The following KHDRBS2 variants were observed in gnomAD, a reference collection of about 807,000 sequenced individuals.
KHDRBS2 encodes the protein KH domain-containing, RNA-binding, signal transduction-associated protein 2.
In KHDRBS2, 26 loss-of-function variants were observed where a neutral mutation model predicts 44.3. The observed-to-expected ratio is 0.59, with a 90% CI of 0.43 to 0.81. The LOEUF is 0.81. KHDRBS2 is among the 40% of genes least tolerant of loss of function. The pLI, the probability that KHDRBS2 is intolerant of heterozygous loss-of-function variation, is 0.00. For synonymous variants in KHDRBS2, 194 were observed against 151.1 expected (o/e 1.28, Z -2.08); for missense variants, 476 against 433.1 (o/e 1.10, Z -0.88).
the KHDRBS2 span, among the ~76,000 whole-genome samples, chr6:61,562,767 A>G: frequency 6.6e-6 from 1 of 152,146 alleles, no homozygotes; most frequent in East Asian, 1.9e-4. Flanking sequence ...AAGTATGTGA[A>G]GTTTGTTTTT....
chr6:61,815,993 A>G lies in KHDRBS2; in HGVS notation c.810+78642T>C, dbSNP rs1300105852. On this transcript the variant is annotated intron_variant, in intron 6 of 8. Coordinates refer to ENST00000281156, the MANE Select transcript of KHDRBS2 (RefSeq NM_152688.4). ...TGCTGCTTAGCTTAACAGAGCACTCATAAATACCAAAAGTTCCTTAGTAAG... is the reference window on the plus strand; with the variant it reads ...TGCTGCTTAGCTTAACAGAGCACTCGTAAATACCAAAAGTTCCTTAGTAAG... Among the ~76,000 whole-genome samples the G allele has an allele frequency of 3.9e-5, 6 of 152,296 alleles. No homozygotes were observed. In the East Asian group the frequency reaches 9.7e-4, roughly 25 times the overall value.
At chr6:62,129,961 A>G (rs10945054) in intron 2 of KHDRBS2, among the ~76,000 whole-genome samples, 5,669 of 152,270 alleles carry the variant, frequency 0.037, 173 homozygotes, top group South Asian at 0.16. Flanking sequence ...TTTGTATATA[A>G]TTAGTTGAAA....
chr6:62,021,789 C>T (rs963164817), intron 3 of KHDRBS2, among the ~76,000 whole-genome samples: 1 of 151,406 alleles, frequency 6.6e-6, no homozygotes, highest in African/African-American at 2.4e-5. Flanking sequence ...CAAACTAATT[C>T]TTTAAAAGGA....
At chr6:61,695,717 T>TA (rs1767829496) in intron 8 of KHDRBS2, among the ~76,000 whole-genome samples, 1 of 152,198 alleles carries the variant, frequency 6.6e-6, no homozygotes, top group Non-Finnish European at 1.5e-5. Flanking sequence ...AAAATATCTG[T>TA]AACTAATCAG....
the KHDRBS2 span, among the ~76,000 whole-genome samples, chr6:61,633,478 T>A: frequency 2.6e-5 from 4 of 152,110 alleles, no homozygotes; most frequent in African/African-American, 9.7e-5. Context: ...TTAAATATAC[T>A]GGAAAAAGAA....
intron 6 of KHDRBS2, among the ~76,000 whole-genome samples, chr6:61,865,300 T>C (rs777729009): frequency 5.9e-5 from 9 of 152,166 alleles, no homozygotes; most frequent in Non-Finnish European, 8.8e-5. Flanking sequence ...GAAAAAGATA[T>C]ACTAGAGACT....
At chr6:61,671,134 A>T in the KHDRBS2 span, among the ~76,000 whole-genome samples, 1 of 151,688 alleles carries the variant, frequency 6.6e-6, no homozygotes, top group East Asian at 2.0e-4. Context: ...TGTGAGACAA[A>T]AGACAATGAG....
chr6:62,039,647 T>C lies in KHDRBS2; in HGVS notation c.336+8231A>G, dbSNP rs577879884. ...CCTTCAATAAAATGTAAGAAATGAC[T>C]AATGATGTAACAAGCTCAGTTAATA... On this transcript the variant is annotated intron_variant, in intron 3 of 8. Transcript: ENST00000281156. Among the ~76,000 whole-genome samples, 8 of 152,182 alleles carry C rather than the reference T, an allele frequency of 5.3e-5. No homozygotes were observed. The South Asian group carries it at 1.7e-3, about 32-fold the overall frequency.
intron 1 of KHDRBS2, among the ~76,000 whole-genome samples, chr6:62,267,104 C>T (rs1249070870): frequency 1.3e-5 from 2 of 151,972 alleles, no homozygotes; most frequent in Non-Finnish European, 2.9e-5. Flanking sequence ...GTCCTGTTCT[C>T]CTTTGCAACC....
intron 6 of KHDRBS2, among the ~76,000 whole-genome samples, chr6:61,848,511 G>GTATATATGTATATATATATACA (rs1562294294): frequency 5.3e-4 from 16 of 30,052 alleles, no homozygotes; most frequent in East Asian, 1.2e-3. Context: ...ATATATATAT[G>GTATATATGTATATATATATACA]TATATATGTA....
intron 1 of KHDRBS2, among the ~76,000 whole-genome samples, chr6:62,188,047 C>T (rs1057483152): frequency 2.6e-5 from 4 of 151,872 alleles, no homozygotes; most frequent in African/African-American, 7.3e-5. Flanking sequence ...GGAGGAGGGA[C>T]CAGGCTGCTT....
At chr6:61,750,366 A>G (rs1254869036) in intron 6 of KHDRBS2, among the ~76,000 whole-genome samples, 1 of 152,196 alleles carries the variant, frequency 6.6e-6, no homozygotes, top group Admixed American at 6.5e-5. Context: ...GGGAAACAAG[A>G]GGAATAAGCC....
chr6:61,771,210 T>G (rs900725536), intron 6 of KHDRBS2, among the ~76,000 whole-genome samples: 1 of 152,122 alleles, frequency 6.6e-6, no homozygotes, highest in Non-Finnish European at 1.5e-5. Flanking sequence ...AAGGAACAAC[T>G]GGTACCAGCC....
chr6:61,709,918 A>G (rs1305041684), intron 7 of KHDRBS2, among the ~76,000 whole-genome samples: 1 of 151,634 alleles, frequency 6.6e-6, no homozygotes, highest in Non-Finnish European at 1.5e-5. Context: ...ATCTCTAGTT[A>G]CTTCAATACT....
intron 3 of KHDRBS2, among the ~76,000 whole-genome samples, chr6:62,009,300 G>T (rs936736137): frequency 3.3e-5 from 5 of 152,140 alleles, no homozygotes; most frequent in African/African-American, 1.2e-4. Context: ...TGAGAGAAAT[G>T]ATTTAGGGTA....
chr6:62,072,831 G>T (rs891471447), intron 2 of KHDRBS2, among the ~76,000 whole-genome samples: 9 of 152,032 alleles, frequency 5.9e-5, no homozygotes, highest in Admixed American at 5.2e-4. Flanking sequence ...GCCAGGCTTT[G>T]GTATCAGGAT....
the KHDRBS2 span, among the ~76,000 whole-genome samples, chr6:61,579,055 G>A: frequency 3.0e-3 from 461 of 152,186 alleles, 4 homozygotes; most frequent in African/African-American, 0.011. Flanking sequence ...GAGGGAGGTG[G>A]GCTCCAGTTT....
the KHDRBS2 span, among the ~76,000 whole-genome samples, chr6:61,616,616 A>G: frequency 6.6e-6 from 1 of 151,994 alleles, no homozygotes; most frequent in Non-Finnish European, 1.5e-5. Flanking sequence ...GCATCTGCAA[A>G]GGTCAAATAT....
chr6:61,898,638 T>C (rs1803375790), intron 5 of KHDRBS2, among the ~76,000 whole-genome samples: 1 of 151,938 alleles, frequency 6.6e-6, no homozygotes, highest in Non-Finnish European at 1.5e-5. Flanking sequence ...ATTGATGAAA[T>C]ATAATAACAT....
Sources: gnomAD v4.1 joint callset for allele counts (sites outside exome capture counted in the v4.1 genomes callset) on GRCh38, gnomAD v4.1.1 for gene constraint, MANE v1.5 for transcripts, NCBI Gene and HGNC (gene_info 2026-07-23, HGNC 2026-07-21) for gene names.